Variants in VAV3 observed in about 807,000 individuals in gnomAD.
VAV3 encodes the protein guanine nucleotide exchange factor VAV3.
VAV3 carries 94 observed loss-of-function variants against 131.2 expected under a neutral mutation model. The observed-to-expected ratio is 0.72, with a 90% CI of 0.61 to 0.85. The LOEUF is 0.85. Ranked by LOEUF, VAV3 falls within the 40% of genes least tolerant of loss-of-function variation. VAV3 has a pLI of 0.00. For missense variants in VAV3, 939 were observed against 1,002.7 expected (o/e 0.94, Z 0.86); for synonymous variants, 349 against 342.0 (o/e 1.02, Z -0.22).
intron 15 of VAV3, among the ~76,000 whole-genome samples, chr1:107,710,908 C>G (rs188506585): frequency 6.6e-6 from 1 of 151,990 alleles, no homozygotes; most frequent in Non-Finnish European, 1.5e-5. Context: ...ATAAACTAGA[C>G]ATTAAGGGAT....
chr1:107,891,092 A>G (rs1671288684), intron 1 of VAV3, among the ~76,000 whole-genome samples: 1 of 151,928 alleles, frequency 6.6e-6, no homozygotes, highest in South Asian at 2.1e-4. Flanking sequence ...GTTTCCACAG[A>G]TGGTCCTGGT....
chr1:107,763,935 G>A (rs11588186), intron 9 of VAV3, among the ~76,000 whole-genome samples: 12,594 of 150,518 alleles, frequency 0.084, 798 homozygotes, highest in East Asian at 0.28. Context: ...TAAGCCACAC[G>A]CTGTTAAATT....
intron 18 of VAV3, among the ~76,000 whole-genome samples, chr1:107,687,055 G>C (rs1570754036): frequency 6.6e-6 from 1 of 152,210 alleles, no homozygotes; most frequent in South Asian, 2.1e-4. Flanking sequence ...CAAGATCCTT[G>C]GCACTGCTGG....
chr1:107,901,904 A>G (rs1005224395), intron 1 of VAV3, among the ~76,000 whole-genome samples: 10 of 152,046 alleles, frequency 6.6e-5, no homozygotes, highest in African/African-American at 2.2e-4. Flanking sequence ...TTAGCCACGC[A>G]TGGTGGCATG....
chr1:107,623,815 T>C (rs1247242433), intron 20 of VAV3, among the ~76,000 whole-genome samples: 3 of 152,188 alleles, frequency 2.0e-5, no homozygotes, highest in African/African-American at 7.2e-5. Flanking sequence ...GTCCAATGTA[T>C]AAACAGTGAA....
At chr1:107,598,483 G>T (rs1651573114) in intron 24 of VAV3, among the ~76,000 whole-genome samples, 1 of 152,104 alleles carries the variant, frequency 6.6e-6, no homozygotes, top group South Asian at 2.1e-4. Flanking sequence ...AAATGTTAGG[G>T]TCTTCCAAAT....
chr1:107,641,590 T>C (rs1412736469), intron 20 of VAV3, among the ~76,000 whole-genome samples: 1 of 152,202 alleles, frequency 6.6e-6, no homozygotes, highest in African/African-American at 2.4e-5. Context: ...GATTTCATCA[T>C]GGGCAAACAT....
chr1:107,737,656 T>C (rs1662741393), intron 15 of VAV3, among the ~76,000 whole-genome samples: 2 of 152,142 alleles, frequency 1.3e-5, no homozygotes, highest in Admixed American at 1.3e-4. Flanking sequence ...CACAATGAGA[T>C]ACCATCTCAC....
intron 15 of VAV3, among the ~76,000 whole-genome samples, chr1:107,722,060 A>G (rs1490250249): frequency 1.3e-5 from 2 of 152,246 alleles, no homozygotes; most frequent in Non-Finnish European, 2.9e-5. Flanking sequence ...GGTGGTTAGT[A>G]TCTGGGTATC....
At chr1:107,785,889 C>G (rs1159582575) in intron 2 of VAV3, among the ~76,000 whole-genome samples, 4 of 152,166 alleles carry the variant, frequency 2.6e-5, no homozygotes, top group African/African-American at 9.7e-5. Context: ...CTTAACTCTC[C>G]CAGGAAATCA....
intron 15 of VAV3, 65 bp downstream of exon 15, chr1:107,748,903 G>C: frequency 8.4e-7 from 1 of 1,184,282 alleles, no homozygotes. Flanking sequence ...CTTATTGGTT[G>C]TTCATTATTC....
chr1:107,812,776 A>G (rs1667380047), intron 2 of VAV3, among the ~76,000 whole-genome samples: 1 of 152,146 alleles, frequency 6.6e-6, no homozygotes, highest in African/African-American at 2.4e-5. Context: ...TTTTCCCTTA[A>G]GGATTTGGCA....
intron 15 of VAV3, among the ~76,000 whole-genome samples, chr1:107,705,680 A>C (rs1660404354): frequency 3.9e-5 from 6 of 152,186 alleles, no homozygotes; most frequent in Admixed American, 3.9e-4. Context: ...TGCACACCAC[A>C]AACTAATATT....
intron 20 of VAV3, among the ~76,000 whole-genome samples, chr1:107,642,347 G>A (rs941095332): frequency 2.0e-5 from 3 of 152,108 alleles, no homozygotes; most frequent in South Asian, 2.1e-4. Context: ...CCATGGCAAC[G>A]TCAGGAAGTT....
chr1:107,811,422 G>A (rs529844147), intron 2 of VAV3, among the ~76,000 whole-genome samples: 1 of 152,272 alleles, frequency 6.6e-6, no homozygotes, highest in South Asian at 2.1e-4. Context: ...CTCTGGAAAA[G>A]CCTCACATAG....
chr1:107,713,942 CAT>C (rs1343813109), intron 15 of VAV3, among the ~76,000 whole-genome samples: 1 of 152,142 alleles, frequency 6.6e-6, no homozygotes, highest in East Asian at 1.9e-4. Context: ...TTATTCTAAA[CAT>C]ATGAAATTTA....
intron 2 of VAV3, among the ~76,000 whole-genome samples, chr1:107,833,798 AG>A (rs1367959987): frequency 2.6e-5 from 4 of 152,212 alleles, no homozygotes; most frequent in Non-Finnish European, 2.9e-5. Context: ...TTGGATGACA[AG>A]GGTGGCTTCA....
At chr1:107,616,391 T>C (rs1017437770) in intron 21 of VAV3, among the ~76,000 whole-genome samples, 1 of 152,058 alleles carries the variant, frequency 6.6e-6, no homozygotes, top group Non-Finnish European at 1.5e-5. Context: ...AAATTGAGTA[T>C]ACATGGACAT....
chr1:107,780,217 G>A (rs763362598), intron 2 of VAV3, among the ~76,000 whole-genome samples: 14 of 152,104 alleles, frequency 9.2e-5, no homozygotes, highest in Admixed American at 5.2e-4. Flanking sequence ...TTACATTATC[G>A]TGAGGATTAA....
Sources: allele counts gnomAD v4.1 joint callset (sites outside exome capture counted in the v4.1 genomes callset), GRCh38; gene constraint gnomAD v4.1.1; transcripts MANE v1.5; gene names NCBI Gene and HGNC (gene_info 2026-07-23, HGNC 2026-07-21).